The following PPIL2 variants were observed in gnomAD, a reference collection of about 807,000 sequenced individuals.
The protein encoded by PPIL2 is peptidylprolyl isomerase like 2.
A neutral mutation model predicts 75.2 loss-of-function variants in PPIL2; 50 were observed. The observed-to-expected ratio is 0.66, with a 90% CI of 0.53 to 0.84. PPIL2 has a LOEUF of 0.84. Ranked by LOEUF, PPIL2 falls within the 40% of genes least tolerant of loss-of-function variation. The pLI is 0.00. For missense variants in PPIL2, 590 were observed against 685.0 expected (o/e 0.86, Z 1.55); for synonymous variants, 245 against 258.8 (o/e 0.95, Z 0.51).
intron 9 of PPIL2, among the ~76,000 whole-genome samples, chr22:21,684,293 C>CATGGTGAAACCCCGTCTTTACTAAAA (rs2067250795): frequency 1.6e-5 from 2 of 125,516 alleles, no homozygotes; most frequent in African/African-American, 3.2e-5. Context: ...AAGATTGTAA[C>CATGGTGAAACCCCGTCTTTACTAAAA]ACAAAAAAAT....
chr22:21,684,604 G>A (rs1444136294), intron 9 of PPIL2, 149 bp from the exon 10 acceptor site: 5 of 914,028 alleles, frequency 5.5e-6, no homozygotes, highest in Non-Finnish European at 8.1e-6. Flanking sequence ...GGCCTGTAGC[G>A]GGGCACTGTG....
Position 21,691,544 on chromosome 22 carries a change from G to A in PPIL2, c.1140-2272G>A, listed in dbSNP as rs747242752. On this transcript the variant is annotated intron_variant, in intron 15 of 19. Coordinates refer to ENST00000398831, the MANE Select transcript of PPIL2 (RefSeq NM_014337.4). ...AAATACAGAAAACTAGCCGGGCATG[G>A]TGGCAGGCGCCTGTAGTCCCAGCTA... Among the ~76,000 whole-genome samples, 6 of 152,184 alleles carry A rather than the reference G, an allele frequency of 3.9e-5. No individual in the cohort carries two copies. The South Asian group carries it at 1.2e-3, about 32-fold the overall frequency.
At chr22:21,676,953 C>T (rs1320292137) in intron 6 of PPIL2, among the ~76,000 whole-genome samples, 1 of 147,318 alleles carries the variant, frequency 6.8e-6, no homozygotes, top group African/African-American at 2.5e-5. Context: ...GGCGCCCCTA[C>T]CTCCCGGACG....
At chr22:21,672,737 G>A (rs1003812618) in intron 5 of PPIL2, among the ~76,000 whole-genome samples, 7 of 152,162 alleles carry the variant, frequency 4.6e-5, no homozygotes, top group Non-Finnish European at 8.8e-5. Flanking sequence ...GCCTGGTTCC[G>A]AGGGAGATCT....
intron 6 of PPIL2, 123 bp from the exon 7 acceptor site, chr22:21,681,176 G>A (rs2067114105): frequency 1.3e-6 from 1 of 751,974 alleles, no homozygotes; most frequent in Non-Finnish European, 2.3e-6. Context: ...AGCTGACATG[G>A]GGTTCCACCT....
At chr22:21,676,634 C>A (rs1454637507) in intron 6 of PPIL2, among the ~76,000 whole-genome samples, 1 of 151,982 alleles carries the variant, frequency 6.6e-6, no homozygotes, top group East Asian at 1.9e-4. Flanking sequence ...ATCCATTTAA[C>A]CCTGAGTGAA....
In PPIL2 at chr22:21,691,390, C is replaced by T. The variant is rs574591504; in HGVS notation, c.1140-2426C>T. 1.7e-4 allele frequency among the ~76,000 whole-genome samples: 26 copies of T among 152,086 alleles called. No individual in the cohort carries two copies. In the South Asian group the frequency reaches 2.9e-3, roughly 17 times the overall value. On this transcript the variant is annotated intron_variant, in intron 15 of 19. Coordinates refer to ENST00000398831, the MANE Select transcript of PPIL2 (RefSeq NM_014337.4). ...TGTGATTCTTGTAATTAAAGATTTT[C>T]CAGGAGGAGGCCAGGCGCGGTGGCT...
intron 6 of PPIL2, among the ~76,000 whole-genome samples, chr22:21,675,319 C>T (rs548417175): frequency 2.6e-5 from 4 of 152,288 alleles, no homozygotes; most frequent in Non-Finnish European, 5.9e-5. Context: ...GGATGGTTCA[C>T]GAGGTCAAGA....
chr22:21,688,171 C>T (rs769906436), intron 14 of PPIL2, 65 bp downstream of exon 14: 103 of 1,596,924 alleles, frequency 6.4e-5, no homozygotes, highest in Non-Finnish European at 8.7e-5. Flanking sequence ...GAGGGGGTAG[C>T]TGGGCAGGGG....
Position 21,688,123 on chromosome 22 carries a change from G to A in PPIL2, c.1021+17G>A, listed in dbSNP as rs770399024. 1.2e-6 allele frequency: 2 copies of A among 1,614,144 alleles called. No homozygotes were observed. Among genetic ancestry groups the A allele is most frequent in the Non-Finnish European group, 8.5e-7 (1 of 1,180,030 alleles). ...CAGGCACGGGTAGGTACTGGTGCTGGGCCCCTCTCTGGGCACTTTGGCTGC... is the reference window on the plus strand; with the variant it reads ...CAGGCACGGGTAGGTACTGGTGCTGAGCCCCTCTCTGGGCACTTTGGCTGC... On this transcript the variant is annotated intron_variant, in intron 14 of 19. Coordinates refer to ENST00000398831, the MANE Select transcript of PPIL2 (RefSeq NM_014337.4).
intron 5 of PPIL2, 105 bp downstream of exon 5, chr22:21,672,486 G>A (rs1277261256): frequency 8.6e-6 from 10 of 1,166,346 alleles, no homozygotes; most frequent in South Asian, 6.3e-5. Flanking sequence ...GGAGAGAACC[G>A]TTCATGGGGC....
At chr22:21,685,348 G>A (rs915493661) in intron 10 of PPIL2, among the ~76,000 whole-genome samples, 6 of 152,136 alleles carry the variant, frequency 3.9e-5, no homozygotes, top group African/African-American at 1.4e-4. Context: ...GAGTTGGGGC[G>A]TTTCATGGTC....
In PPIL2 at chr22:21,695,375, C is replaced by T. The variant is rs372380327; in HGVS notation, c.1467-19C>T. 8.8e-6 allele frequency: 14 copies of T among 1,585,750 alleles called. No individual in the cohort carries two copies. Among genetic ancestry groups the T allele is most frequent in the Admixed American group, 3.6e-5 (2 of 56,108 alleles). On this transcript the variant is annotated intron_variant, in intron 19 of 19. Coordinates refer to ENST00000398831, the MANE Select transcript of PPIL2 (RefSeq NM_014337.4). The stretch of plus-strand genomic sequence containing the variant: ...GCTGAGGGAGGGTGTGGGCTCCCAG[C>T]GGCTTCTTCTCTTCCCAGGAAGCGA...
chr22:21,694,423 T>G (rs2067823745), intron 16 of PPIL2, among the ~76,000 whole-genome samples, 170 bp from the exon 17 acceptor site: 1 of 151,242 alleles, frequency 6.6e-6, no homozygotes, highest in Admixed American at 6.6e-5. Context: ...AGGGCCATGG[T>G]CAGCCGACCC....
At chr22:21,685,122 G>A (rs1483259307) in intron 10 of PPIL2, among the ~76,000 whole-genome samples, 1 of 152,256 alleles carries the variant, frequency 6.6e-6, no homozygotes, top group Non-Finnish European at 1.5e-5. Context: ...TGAGAAGGCA[G>A]AAGGGGAGGG....
chr22:21,676,126 G>A (rs779845500), intron 6 of PPIL2, among the ~76,000 whole-genome samples: 5 of 152,162 alleles, frequency 3.3e-5, no homozygotes, highest in Non-Finnish European at 7.3e-5. Flanking sequence ...TCCCCAGTCG[G>A]TGCAGCATTC....
At chr22:21,681,663 G>A (rs1020658355) in intron 7 of PPIL2, among the ~76,000 whole-genome samples, 2 of 152,234 alleles carry the variant, frequency 1.3e-5, no homozygotes, top group African/African-American at 2.4e-5. Context: ...AGGTCCTTCC[G>A]CGTCTTCAGC....
At chr22:21,690,423 G>T (rs1251612571) in intron 15 of PPIL2, among the ~76,000 whole-genome samples, 1 of 151,990 alleles carries the variant, frequency 6.6e-6, no homozygotes, top group Non-Finnish European at 1.5e-5. Flanking sequence ...GTGCTTAACA[G>T]CTGGGCAAAG....
At position 21,696,891 on chromosome 22, in the gene PPIL2, T is replaced by C. The variant is rs1339912186; in HGVS notation, c.*1401T>C. ...ACCCCATCCACTGCCACAGGCTGCC[T>C]GATGACCACTAGAGGTATGTCTGCC... On this transcript the variant is annotated 3_prime_UTR_variant, in exon 20 of 20. Coordinates refer to ENST00000398831, the MANE Select transcript of PPIL2 (RefSeq NM_014337.4). 6.3e-7 allele frequency: 1 copy of C among 1,592,100 alleles called. No individual in the cohort carries two copies. Among genetic ancestry groups the C allele is most frequent in the Non-Finnish European group, 8.5e-7 (1 of 1,169,868 alleles).
Sources: gnomAD v4.1 joint callset for allele counts (sites outside exome capture counted in the v4.1 genomes callset) on GRCh38, gnomAD v4.1.1 for gene constraint, MANE v1.5 for transcripts, NCBI Gene and HGNC (gene_info 2026-07-23, HGNC 2026-07-21) for gene names.